Variants in SPAM1 observed in about 807,000 individuals in gnomAD.
The protein encoded by SPAM1 is hyaluronidase PH-20.
SPAM1 carries 22 observed loss-of-function variants against 29.6 expected under a neutral mutation model. The ratio of observed to expected loss-of-function variants is 0.74; its 90% CI spans 0.53 to 1.06. The LOEUF (loss-of-function observed/expected upper bound fraction) is 1.06. SPAM1 is among the 50% of genes least tolerant of loss of function. The pLI is 0.00. For missense variants in SPAM1, 534 were observed against 604.0 expected (o/e 0.88, Z 1.21); for synonymous variants, 194 against 204.6 (o/e 0.95, Z 0.44).
chr7:123,965,179 C>A (rs998896307), intron 5 of SPAM1, among the ~76,000 whole-genome samples: 2 of 151,920 alleles, frequency 1.3e-5, no homozygotes, highest in African/African-American at 2.4e-5. Flanking sequence ...GACTCCCAAG[C>A]CTGTGTATTC....
chr7:123,956,671 A>G (rs1407106128), intron 4 of SPAM1, among the ~76,000 whole-genome samples: 2 of 151,994 alleles, frequency 1.3e-5, no homozygotes, highest in African/African-American at 4.8e-5. Context: ...AACAGGTGAC[A>G]CATTTCAATA....
chr7:123,962,811 T>G (rs1024669373), downstream of SPAM1, among the ~76,000 whole-genome samples: 6 of 151,908 alleles, frequency 3.9e-5, no homozygotes, highest in Admixed American at 1.3e-4. Context: ...TTGTACATAA[T>G]TCTGTAAATT....
At chr7:123,967,612 G>A (rs1255388008) in intron 5 of SPAM1, among the ~76,000 whole-genome samples, 2 of 151,986 alleles carry the variant, frequency 1.3e-5, no homozygotes, top group Non-Finnish European at 2.9e-5. Flanking sequence ...GTGTGCACAT[G>A]TGTGGGTGTA....
downstream of SPAM1, among the ~76,000 whole-genome samples, chr7:123,964,550 C>T (rs1792398809): frequency 6.6e-6 from 1 of 151,608 alleles, no homozygotes; most frequent in Non-Finnish European, 1.5e-5. Context: ...GGTATCTTGC[C>T]ATTTGACTCT....
At chr7:123,951,808 G>A (rs1408473937) in intron 2 of SPAM1, among the ~76,000 whole-genome samples, 1 of 152,090 alleles carries the variant, frequency 6.6e-6, no homozygotes, top group Non-Finnish European at 1.5e-5. Flanking sequence ...TTCTAGTGGA[G>A]ATGAGGTTTC....
chr7:123,941,582 A>G (rs1808429198), intron 1 of SPAM1, among the ~76,000 whole-genome samples: 1 of 152,136 alleles, frequency 6.6e-6, no homozygotes, highest in Non-Finnish European at 1.5e-5. Context: ...GCTGACTTTG[A>G]GTTCTGTCTG....
chr7:123,937,415 CAT>C (rs1808281689), intron 1 of SPAM1, among the ~76,000 whole-genome samples: 1 of 151,892 alleles, frequency 6.6e-6, no homozygotes, highest in Non-Finnish European at 1.5e-5. Flanking sequence ...TCCTGGATAA[CAT>C]GGTGAAATCC....
At chr7:123,928,065 A>G (rs1807950606) in intron 1 of SPAM1, among the ~76,000 whole-genome samples, 1 of 152,138 alleles carries the variant, frequency 6.6e-6, no homozygotes, top group African/African-American at 2.4e-5. Flanking sequence ...ATTCCCATCT[A>G]AATCAAATTT....
chr7:123,934,423 CAGT>C (rs1808190140), intron 1 of SPAM1, among the ~76,000 whole-genome samples: 3 of 152,068 alleles, frequency 2.0e-5, no homozygotes, highest in African/African-American at 7.2e-5. Flanking sequence ...TTATGGAAAA[CAGT>C]AGGAGTTTCC....
chr7:123,930,227 T>C (rs763547010), intron 1 of SPAM1, among the ~76,000 whole-genome samples: 18 of 152,090 alleles, frequency 1.2e-4, no homozygotes, highest in Admixed American at 2.6e-4. Flanking sequence ...GGATGAGAGT[T>C]CTCTAAAAAT....
At chr7:123,937,331 G>A (rs901644624) in intron 1 of SPAM1, among the ~76,000 whole-genome samples, 2 of 152,164 alleles carry the variant, frequency 1.3e-5, no homozygotes, top group African/African-American at 2.4e-5. Context: ...GCCGGGCGCG[G>A]TGGCTCACGC....
chr7:123,958,450 A>G (rs1792292215), intron 4 of SPAM1, among the ~76,000 whole-genome samples: 1 of 152,038 alleles, frequency 6.6e-6, no homozygotes, highest in Non-Finnish European at 1.5e-5. Flanking sequence ...TATATATAAC[A>G]TTTAATAGAA....
downstream of SPAM1, among the ~76,000 whole-genome samples, chr7:123,964,025 A>G (rs1025249711): frequency 6.7e-6 from 1 of 149,860 alleles, no homozygotes; most frequent in African/African-American, 2.5e-5. Context: ...TATAAAATTG[A>G]CTTAATATTT....
downstream of SPAM1, among the ~76,000 whole-genome samples, chr7:123,961,767 A>G (rs1792362029): frequency 1.3e-5 from 2 of 152,030 alleles, no homozygotes; most frequent in South Asian, 2.1e-4. Context: ...TTTATAAAGG[A>G]AAAGAAGTTT....
chr7:123,965,893 G>A (rs981588705), intron 5 of SPAM1, among the ~76,000 whole-genome samples: 7 of 151,836 alleles, frequency 4.6e-5, no homozygotes, highest in South Asian at 2.1e-4. Flanking sequence ...TACTTTGGGC[G>A]ATATGGCCAT....
chr7:123,962,451 T>C (rs11765993), downstream of SPAM1, among the ~76,000 whole-genome samples: 30,773 of 151,862 alleles, frequency 0.2, 3,966 homozygotes, highest in African/African-American at 0.37. Flanking sequence ...TTTCTCCCAT[T>C]CTACAGATTT....
chr7:123,959,397 TA>T (rs1221042552), intron 4 of SPAM1, 86 bp from the exon 5 acceptor site: 6 of 884,994 alleles, frequency 6.8e-6, no homozygotes, highest in African/African-American at 3.4e-5. Flanking sequence ...CATTCTTCTG[TA>T]AAAAAATTGC....
intron 5 of SPAM1, among the ~76,000 whole-genome samples, chr7:123,966,418 G>T (rs1194287270): frequency 6.6e-6 from 1 of 152,024 alleles, no homozygotes; most frequent in Non-Finnish European, 1.5e-5. Flanking sequence ...TCCCATTACT[G>T]GGTATATATC....
At chr7:123,962,107 ACTGTTTTTCATAATGG>A (rs1225686661), downstream of SPAM1, among the ~76,000 whole-genome samples, 115 of 152,144 alleles carry the variant, frequency 7.6e-4, no homozygotes, top group African/African-American at 2.7e-3. Flanking sequence ...AAACCTCCAT[ACTGTTTTTCATAATGG>A]CTGGACTAAT....
Sources: allele counts gnomAD v4.1 joint callset (sites outside exome capture counted in the v4.1 genomes callset), GRCh38; gene constraint gnomAD v4.1.1; transcripts MANE v1.5; gene names NCBI Gene and HGNC (gene_info 2026-07-23, HGNC 2026-07-21).